Variants in ADGRV1 observed in about 807,000 individuals in gnomAD.
The protein encoded by ADGRV1 is G-protein coupled receptor 98.
ADGRV1 carries 359 observed loss-of-function variants against 596.2 expected under a neutral mutation model. That is an observed-to-expected ratio of 0.60 (90% CI 0.55 to 0.66). ADGRV1 has a LOEUF of 0.66. ADGRV1 is among the 30% of genes least tolerant of loss of function. The probability of loss-of-function intolerance (pLI) is 0.00; values close to 1 mark genes in which losing one functional copy is unlikely to be tolerated. For synonymous variants in ADGRV1, 2,681 were observed against 2,679.2 expected, an observed-to-expected ratio of 1.00 and a Z score of -0.02; for missense variants, 7,274 against 7,575.6, an observed-to-expected ratio of 0.96 and a Z score of 1.48.
chr5:91,106,775 A>G (rs1475255627), intron 87 of ADGRV1, among the ~76,000 whole-genome samples: 4 of 152,228 alleles, frequency 2.6e-5, no homozygotes, highest in African/African-American at 9.6e-5. Context: ...TAAGCAGTGA[A>G]GTTGGTGAAA....
At chr5:90,595,896 CCCA>C (rs1561351549) in intron 1 of ADGRV1, among the ~76,000 whole-genome samples, 1 of 149,686 alleles carries the variant, frequency 6.7e-6, no homozygotes, top group Non-Finnish European at 1.5e-5. Flanking sequence ...GCTGACCCCC[CCCA>C]CCTCCCTCCC....
intron 78 of ADGRV1, among the ~76,000 whole-genome samples, chr5:90,842,465 G>A (rs979881571): frequency 6.6e-6 from 1 of 152,128 alleles, no homozygotes; most frequent in South Asian, 2.1e-4. Context: ...TAATCCCAGC[G>A]GAGGCGGGAT....
rs572418059 is a variant in ADGRV1 at position 90,721,905 on chromosome 5, G to A, written c.9748+846G>A. Among the ~76,000 whole-genome samples, 24 of 152,282 alleles carry A rather than the reference G, an allele frequency of 1.6e-4. No homozygotes were observed. In the South Asian group the frequency reaches 4.4e-3, roughly 28 times the overall value. ...TGAGGCATAAAAAGCACACATAAGT[G>A]AAGAACTTGAGTGGATAGTAGGTAC... On this transcript the variant is annotated intron_variant, in intron 45 of 89. Transcript: ENST00000405460.
At chr5:90,818,990 G>A (rs1422246665) in intron 75 of ADGRV1, among the ~76,000 whole-genome samples, 2 of 152,026 alleles carry the variant, frequency 1.3e-5, no homozygotes, top group African/African-American at 4.8e-5. Flanking sequence ...AGAAGGAATG[G>A]TACCAGTTCC....
At chr5:90,928,218 G>C (rs1282088453) in intron 83 of ADGRV1, among the ~76,000 whole-genome samples, 1 of 152,068 alleles carries the variant, frequency 6.6e-6, no homozygotes, top group Non-Finnish European at 1.5e-5. Context: ...ATAATATCCT[G>C]CAGAGTGTTT....
chr5:91,050,822 G>C (rs976726494), intron 85 of ADGRV1, among the ~76,000 whole-genome samples: 1 of 152,206 alleles, frequency 6.6e-6, no homozygotes, highest in African/African-American at 2.4e-5. Flanking sequence ...TTGTACTGCT[G>C]CATTCCAGCC....
In ADGRV1 at chr5:91,150,239, T is replaced by C. The variant is rs2126894868; in HGVS notation, c.18624+18T>C. 6.7e-7 allele frequency: 1 copy of C among 1,496,798 alleles called. No individual in the cohort carries two copies. The highest frequency in any genetic ancestry group is 1.4e-5 in the African/African-American group (1 of 71,136). 92.7% of individuals were successfully genotyped at this position (1,496,798 alleles called of 1,614,324 possible). A position where few individuals can be genotyped will look rare whatever the true frequency, so the allele number is the denominator to read the frequency against. ...TGGAGGAGGTGTCTGCCCTTGCCCTTTCATTCTCTGTCTCTCTGTCTCTGT... is the reference window on the plus strand; with the variant it reads ...TGGAGGAGGTGTCTGCCCTTGCCCTCTCATTCTCTGTCTCTCTGTCTCTGT... On this transcript the variant is annotated intron_variant, in intron 88 of 89. Coordinates refer to ENST00000405460, the MANE Select transcript of ADGRV1 (RefSeq NM_032119.4).
intron 85 of ADGRV1, among the ~76,000 whole-genome samples, chr5:91,037,598 C>T (rs763252247): frequency 6.6e-6 from 1 of 152,144 alleles, no homozygotes; most frequent in Non-Finnish European, 1.5e-5. Flanking sequence ...AAGGAGCTAA[C>T]AGTCTGGTGA....
chr5:90,574,377 T>G (rs1174509195), intron 1 of ADGRV1, among the ~76,000 whole-genome samples: 1 of 152,146 alleles, frequency 6.6e-6, no homozygotes, highest in Non-Finnish European at 1.5e-5. Context: ...CCTCCTTGGT[T>G]AGCTGTATTC....
chr5:91,089,401 A>G (rs1360740159), intron 86 of ADGRV1, among the ~76,000 whole-genome samples: 1 of 152,004 alleles, frequency 6.6e-6, no homozygotes, highest in African/African-American at 2.4e-5. Context: ...TAGACCTTTT[A>G]GAACAGTGAT....
At chr5:90,728,994 G>A in intron 49 of ADGRV1, 61 bp downstream of exon 49, 4 of 1,136,396 alleles carry the variant, frequency 3.5e-6, no homozygotes, top group Non-Finnish European at 4.9e-6. Context: ...GCATTCATAT[G>A]GTATATTTTA....
At position 90,831,561 on chromosome 5, in the gene ADGRV1, T is replaced by C. The variant is rs376023386; in HGVS notation, c.16611+2375T>C. Reference sequence around the variant, plus strand: ...TCAAGCATTTATCCTTCCTTTTTGTTACAGATAATTCAATTATACTTTTTT... The same window carrying C: ...TCAAGCATTTATCCTTCCTTTTTGTCACAGATAATTCAATTATACTTTTTT... On this transcript the variant is annotated intron_variant, in intron 77 of 89. Coordinates refer to ENST00000405460, the MANE Select transcript of ADGRV1 (RefSeq NM_032119.4). 3.3e-5 allele frequency among the ~76,000 whole-genome samples: 5 copies of C among 152,276 alleles called. No homozygotes were observed. In the South Asian group the frequency reaches 1.0e-3, roughly 32 times the overall value.
intron 84 of ADGRV1, among the ~76,000 whole-genome samples, chr5:90,969,599 T>C (rs1198034832): frequency 6.6e-6 from 1 of 152,206 alleles, no homozygotes; most frequent in Non-Finnish European, 1.5e-5. Context: ...ATTAACAAAT[T>C]ATTTTGCTTA....
intron 85 of ADGRV1, among the ~76,000 whole-genome samples, chr5:91,063,460 A>G (rs7733223): frequency 0.016 from 2,443 of 152,260 alleles, 74 homozygotes; most frequent in African/African-American, 0.055. Context: ...TGGTATTTTC[A>G]TTTACAATAT....
chr5:90,627,193 T>C lies in ADGRV1; in HGVS notation c.673-18T>C. 1 of 1,438,306 alleles carries C rather than the reference T, an allele frequency of 7.0e-7. No individual in the cohort carries two copies. Among genetic ancestry groups the C allele is most frequent in the East Asian group, 2.4e-5 (1 of 41,956 alleles). The allele number at this position is 1,438,306 out of a possible 1,614,324, so 89.1% of individuals were successfully genotyped here. ...TTTGGCTGTTGATGTTTTGCCTCTG[T>C]TTATATTCCTTTAACAGGTACCAGA... is the stretch of plus-strand genomic sequence containing the variant. On this transcript the variant is annotated intron_variant, in intron 6 of 89. Transcript: ENST00000405460.
chr5:91,013,532 G>T (rs935606250), intron 85 of ADGRV1, among the ~76,000 whole-genome samples: 2 of 152,040 alleles, frequency 1.3e-5, no homozygotes, highest in African/African-American at 4.8e-5. Flanking sequence ...GTATGTTCAT[G>T]TCCTTTGCCC....
rs774811397 is a variant in ADGRV1 at position 90,853,468 on chromosome 5, T to C, written c.17389T>C (p.Phe5797Leu). ...AGKSTCKLVQ[F>L]TEYSSQQWFI... ...GAAAAGTACATGTAAATTAGTCCAGTTTACAGAGTATAGCAGCCAACAGTG... is the reference window on the plus strand; with the variant it reads ...GAAAAGTACATGTAAATTAGTCCAGCTTACAGAGTATAGCAGCCAACAGTG... The change falls in exon 80 of 90, where the codon TTT becomes CTT. Residue 5797 changes from phenylalanine (F) to leucine (L), a missense_variant. Phe to Leu is a conservative substitution (Grantham distance 22). This residue lies in a region of ADGRV1 where 1,874 missense variants were observed against 1,970.2 expected (regional missense o/e 0.95). Transcript: ENST00000405460. 5.6e-6 allele frequency: 9 copies of C among 1,613,026 alleles called. No homozygotes were observed. The highest frequency in any genetic ancestry group is 7.6e-6 in the Non-Finnish European group (9 of 1,179,408).
intron 87 of ADGRV1, among the ~76,000 whole-genome samples, chr5:91,109,479 A>C (rs1384111377): frequency 6.6e-6 from 1 of 152,144 alleles, no homozygotes; most frequent in Non-Finnish European, 1.5e-5. Flanking sequence ...TCTGACTTCA[A>C]GAGAGAAGAA....
In ADGRV1 at chr5:90,685,990, T is replaced by C. The variant is rs1745575125; in HGVS notation, c.6485T>C (p.Ile2162Thr). ...TTTAAAGCTGTGCCAATAACTGCAATAGCTGGTAAGAAAAGACATCTAAAA... is the reference window on the plus strand; with the variant it reads ...TTTAAAGCTGTGCCAATAACTGCAACAGCTGGTAAGAAAAGACATCTAAAA... ...VKFKAVPITA[I>T]AGEDYSIASS... Residue 2162 changes from isoleucine (I) to threonine (T), a missense_variant, in exon 29 of 90, where the codon ATA (isoleucine) becomes ACA (threonine). By Grantham distance (89) the Ile-to-Thr change is moderately conservative. Coordinates refer to ENST00000405460, the MANE Select transcript of ADGRV1 (RefSeq NM_032119.4). 1 of 1,572,154 alleles carries C rather than the reference T, an allele frequency of 6.4e-7. No individual in the cohort carries two copies. Among genetic ancestry groups the C allele is most frequent in the African/African-American group, 1.3e-5 (1 of 74,472 alleles).
Sources: gnomAD v4.1 joint callset for allele counts (sites outside exome capture counted in the v4.1 genomes callset) on GRCh38, gnomAD v4.1.1 for gene constraint, gnomAD v4.1.1 regional missense constraint, MANE v1.5 for transcripts, NCBI Gene and HGNC (gene_info 2026-07-23, HGNC 2026-07-21) for gene names.